Variants in CSMD1 observed in about 807,000 individuals in gnomAD.
CSMD1 encodes the protein CUB and sushi domain-containing protein 1.
Under a neutral mutation model 417.5 loss-of-function variants are expected in CSMD1, and 213 were observed. The ratio of observed to expected loss-of-function variants is 0.51; its 90% confidence interval spans 0.46 to 0.57. The LOEUF is 0.57. Ranked by LOEUF, CSMD1 falls within the 20% of genes least tolerant of loss-of-function variation. The probability of loss-of-function intolerance (pLI) is 0.00; values close to 1 mark genes in which losing one functional copy is unlikely to be tolerated. For missense variants in CSMD1, 6,923 were observed against 4,529.7 expected (o/e 1.53, Z -15.17); for synonymous variants, 2,862 against 1,736.8 (o/e 1.65, Z -16.11).
intron 10 of CSMD1, among the ~76,000 whole-genome samples, chr8:3,522,841 G>GAT (rs1481472629): frequency 6.7e-6 from 1 of 149,980 alleles, no homozygotes; most frequent in African/African-American, 2.4e-5. Context: ...TAATTTGTTA[G>GAT]ATATATATAA....
chr8:4,320,966 CCA>C (rs1799242366), intron 3 of CSMD1, among the ~76,000 whole-genome samples: 1 of 152,130 alleles, frequency 6.6e-6, no homozygotes, highest in Non-Finnish European at 1.5e-5. Context: ...TCTGCCAGGT[CCA>C]GTTTCAGCAT....
Position 3,712,811 on chromosome 8 carries a change from A to G in CSMD1, c.932-4320T>C, listed in dbSNP as rs147773695. On this transcript the variant is annotated intron_variant, in intron 6 of 69. Coordinates refer to ENST00000635120, the MANE Select transcript of CSMD1 (RefSeq NM_033225.6). ...GTGATTCCTTAGTAATTCAGATTCAACAATTTCAAATACATTGTGGTCTAC... is the reference window on the plus strand; with the variant it reads ...GTGATTCCTTAGTAATTCAGATTCAGCAATTTCAAATACATTGTGGTCTAC... Among the ~76,000 whole-genome samples the G allele has an allele frequency of 2.6e-3, 399 of 152,302 alleles. 2 individuals carry two copies. Among genetic ancestry groups the G allele is most frequent in the African/African-American group, 8.9e-3 (371 of 41,572 alleles).
chr8:3,236,778 G>T (rs904777014), intron 26 of CSMD1, among the ~76,000 whole-genome samples: 1 of 152,072 alleles, frequency 6.6e-6, no homozygotes, highest in African/African-American at 2.4e-5. Context: ...GACTCTGAAG[G>T]TTTCTAGTTT....
chr8:4,623,005 A>T (rs1189362189), intron 2 of CSMD1, among the ~76,000 whole-genome samples: 2 of 152,196 alleles, frequency 1.3e-5, no homozygotes, highest in Non-Finnish European at 2.9e-5. Context: ...AAAAAACATA[A>T]ATTAGACTTT....
intron 5 of CSMD1, among the ~76,000 whole-genome samples, chr8:3,754,881 AAAG>A (rs1366108102): frequency 2.6e-5 from 4 of 152,248 alleles, no homozygotes; most frequent in Non-Finnish European, 4.4e-5. Context: ...CTACCAAAGT[AAAG>A]AAGAGGACCA....
chr8:3,678,875 C>G (rs1343765692), intron 7 of CSMD1, among the ~76,000 whole-genome samples: 1 of 152,076 alleles, frequency 6.6e-6, no homozygotes, highest in South Asian at 2.1e-4. Context: ...AGACTGGGGG[C>G]CAATATTCAA....
At chr8:4,902,648 T>C (rs936215523) in intron 1 of CSMD1, among the ~76,000 whole-genome samples, 1 of 152,190 alleles carries the variant, frequency 6.6e-6, no homozygotes, top group African/African-American at 2.4e-5. Context: ...TTTATAACTT[T>C]TATGGCATAT....
chr8:4,035,653 TATGA>T (rs1229989636), intron 3 of CSMD1, among the ~76,000 whole-genome samples: 5 of 152,238 alleles, frequency 3.3e-5, no homozygotes, highest in African/African-American at 1.2e-4. Flanking sequence ...GACAAACTCT[TATGA>T]ATAACAATAT....
At chr8:3,531,394 G>A (rs1354256989) in intron 10 of CSMD1, among the ~76,000 whole-genome samples, 1 of 151,960 alleles carries the variant, frequency 6.6e-6, no homozygotes, top group Non-Finnish European at 1.5e-5. Flanking sequence ...TATAGAATCT[G>A]GAATTATAAA....
chr8:4,932,825 G>T (rs148536300), intron 1 of CSMD1, among the ~76,000 whole-genome samples: 2 of 152,068 alleles, frequency 1.3e-5, no homozygotes. Context: ...GTGCTCCCTG[G>T]TTCAAATTTT....
chr8:4,348,372 C>G (rs564170824), intron 3 of CSMD1, among the ~76,000 whole-genome samples: 6 of 152,070 alleles, frequency 3.9e-5, no homozygotes, highest in South Asian at 2.1e-4. Context: ...TACTACGCTA[C>G]AAGTGTTTAA....
At chr8:4,046,812 T>C (rs1369941632) in intron 3 of CSMD1, among the ~76,000 whole-genome samples, 1 of 152,200 alleles carries the variant, frequency 6.6e-6, no homozygotes, top group African/African-American at 2.4e-5. Context: ...TAACAATTAT[T>C]GAACTCTAAG....
chr8:4,061,117 G>C (rs951866640), intron 3 of CSMD1, among the ~76,000 whole-genome samples: 1 of 152,146 alleles, frequency 6.6e-6, no homozygotes, highest in Non-Finnish European at 1.5e-5. Flanking sequence ...AGAATATAAA[G>C]ATGGGCTCCA....
At chr8:4,048,274 C>T (rs899067135) in intron 3 of CSMD1, among the ~76,000 whole-genome samples, 3 of 152,146 alleles carry the variant, frequency 2.0e-5, no homozygotes, top group African/African-American at 4.8e-5. Flanking sequence ...CACATTTTTA[C>T]ACTAATTATG....
chr8:4,829,565 C>A (rs1267445161), intron 1 of CSMD1, among the ~76,000 whole-genome samples: 1 of 151,948 alleles, frequency 6.6e-6, no homozygotes, highest in Admixed American at 6.6e-5. Flanking sequence ...AACATGGCAA[C>A]CTCATCTTTA....
At chr8:4,361,710 C>G (rs531459191) in intron 3 of CSMD1, among the ~76,000 whole-genome samples, 3 of 151,840 alleles carry the variant, frequency 2.0e-5, no homozygotes, top group Non-Finnish European at 4.4e-5. Flanking sequence ...AATCCCAACA[C>G]TTTGGGAGGC....
chr8:3,306,498 C>CGTATGTGTA (rs1278354106), intron 25 of CSMD1, among the ~76,000 whole-genome samples: 7 of 152,018 alleles, frequency 4.6e-5, no homozygotes, highest in African/African-American at 1.2e-4. Context: ...TTCAGCTTCA[C>CGTATGTGTA]GTATGTGTAG....
chr8:4,538,904 C>G (rs538501949), intron 2 of CSMD1, among the ~76,000 whole-genome samples: 3 of 152,136 alleles, frequency 2.0e-5, no homozygotes, highest in Non-Finnish European at 4.4e-5. Flanking sequence ...TTTATGGAAT[C>G]TTTGAATCTA....
At chr8:4,391,643 T>C (rs1803856618) in intron 3 of CSMD1, among the ~76,000 whole-genome samples, 1 of 151,932 alleles carries the variant, frequency 6.6e-6, no homozygotes, top group Non-Finnish European at 1.5e-5. Flanking sequence ...CACTGCTGGG[T>C]TGACTGGTGA....
Sources: allele counts gnomAD v4.1 joint callset (sites outside exome capture counted in the v4.1 genomes callset), GRCh38; gene constraint gnomAD v4.1.1; transcripts MANE v1.5; gene names NCBI Gene and HGNC (gene_info 2026-07-23, HGNC 2026-07-21).